EPHB1: variants seen among roughly 807,000 people sequenced by gnomAD.
The protein encoded by EPHB1 is ephrin type-B receptor 1.
Under a neutral mutation model 94.4 loss-of-function variants are expected in EPHB1, and 30 were observed. The ratio of observed to expected loss-of-function variants is 0.32; its 90% confidence interval spans 0.24 to 0.43. The LOEUF (loss-of-function observed/expected upper bound fraction) is 0.43. Ranked by LOEUF, EPHB1 falls within the 20% of genes least tolerant of loss-of-function variation. EPHB1 has a pLI of 1.00. For synonymous variants in EPHB1, 522 were observed against 489.1 expected (o/e 1.07, Z -0.89); for missense variants, 1,055 against 1,308.3 (o/e 0.81, Z 2.99).
At chr3:134,825,800 A>G (rs959338817) in intron 1 of EPHB1, among the ~76,000 whole-genome samples, 45 of 152,092 alleles carry the variant, frequency 3.0e-4, no homozygotes, top group African/African-American at 1.0e-3. Flanking sequence ...TCCTTTCACG[A>G]TCCTTTTCTT....
chr3:134,981,205 C>T (rs1002244461), intron 3 of EPHB1, among the ~76,000 whole-genome samples: 1 of 152,176 alleles, frequency 6.6e-6, no homozygotes, highest in African/African-American at 2.4e-5. Flanking sequence ...GCACTCTGAC[C>T]ATGCTAGATT....
chr3:134,877,736 T>C (rs935088990), intron 1 of EPHB1, among the ~76,000 whole-genome samples: 53 of 152,188 alleles, frequency 3.5e-4, no homozygotes, highest in Non-Finnish European at 6.6e-4. Flanking sequence ...GTGTTTCTGC[T>C]ATAGAAAGCT....
At chr3:135,164,573 C>G (rs1180101886) in intron 7 of EPHB1, among the ~76,000 whole-genome samples, 1 of 152,072 alleles carries the variant, frequency 6.6e-6, no homozygotes, top group Non-Finnish European at 1.5e-5. Context: ...CTTTGGGAGG[C>G]CGAGACAGGT....
At chr3:134,919,608 G>A (rs1240637322) in intron 1 of EPHB1, among the ~76,000 whole-genome samples, 1 of 152,164 alleles carries the variant, frequency 6.6e-6, no homozygotes, top group East Asian at 1.9e-4. Flanking sequence ...AAGGGCAGTA[G>A]ACACCCTGAG....
chr3:134,914,109 G>T (rs778434228), intron 1 of EPHB1, among the ~76,000 whole-genome samples: 1 of 152,156 alleles, frequency 6.6e-6, no homozygotes, highest in Non-Finnish European at 1.5e-5. Flanking sequence ...CTGAAGGCTG[G>T]GTTTGGAGCC....
rs918362906 is a variant in EPHB1 at position 134,844,950 on chromosome 3, T to G, written c.58+49261T>G. Among the ~76,000 whole-genome samples the G allele has an allele frequency of 2.4e-4, 37 of 152,324 alleles. 1 individual carries two copies. In the Middle Eastern group the frequency reaches 0.014, roughly 56 times the overall value. ...GGAGAGCCTGAGTTTCCTCCCCTAC[T>G]TACCAAAGAGTTCCACCTGAATCCA... On this transcript the variant is annotated intron_variant, in intron 1 of 15. Transcript: ENST00000398015.
At chr3:135,020,721 G>T (rs1302719157) in intron 3 of EPHB1, among the ~76,000 whole-genome samples, 1 of 152,076 alleles carries the variant, frequency 6.6e-6, no homozygotes. Flanking sequence ...GTGTCCTCTA[G>T]TTAAATTTAC....
intron 9 of EPHB1, among the ~76,000 whole-genome samples, chr3:135,173,322 C>T (rs1023092211): frequency 6.6e-6 from 1 of 152,196 alleles, no homozygotes; most frequent in East Asian, 1.9e-4. Flanking sequence ...GCGTGAGCCA[C>T]CGCGCCCGGC....
At chr3:135,188,406 A>T (rs1942384933) in intron 10 of EPHB1, among the ~76,000 whole-genome samples, 1 of 152,098 alleles carries the variant, frequency 6.6e-6, no homozygotes, top group Non-Finnish European at 1.5e-5. Flanking sequence ...GAGGCAGGAG[A>T]ATTGCTTGAA....
chr3:134,841,858 G>A (rs762476445), intron 1 of EPHB1, among the ~76,000 whole-genome samples: 1 of 152,198 alleles, frequency 6.6e-6, no homozygotes, highest in Non-Finnish European at 1.5e-5. Flanking sequence ...TTATTCATAA[G>A]CGTTGTTTGC....
At chr3:135,196,114 T>G (rs1942607590) in intron 11 of EPHB1, among the ~76,000 whole-genome samples, 1 of 151,512 alleles carries the variant, frequency 6.6e-6, no homozygotes, top group Non-Finnish European at 1.5e-5. Context: ...CATGTGTTTT[T>G]TGGCTGCATA....
chr3:134,946,514 T>C (rs778099951), intron 2 of EPHB1, among the ~76,000 whole-genome samples: 42 of 152,210 alleles, frequency 2.8e-4, no homozygotes, highest in South Asian at 8.3e-4. Flanking sequence ...ATACTTCTCC[T>C]GGCTTACTTC....
intron 3 of EPHB1, among the ~76,000 whole-genome samples, chr3:135,095,718 C>T (rs1470819929): frequency 6.6e-6 from 1 of 152,168 alleles, no homozygotes; most frequent in Non-Finnish European, 1.5e-5. Context: ...GCACTCAGGG[C>T]CCCTGAAGGC....
intron 12 of EPHB1, among the ~76,000 whole-genome samples, chr3:135,207,782 T>G (rs1158332887): frequency 6.6e-6 from 1 of 152,210 alleles, no homozygotes; most frequent in Non-Finnish European, 1.5e-5. Flanking sequence ...GAGTCCAAGA[T>G]CAAGGTGCTA....
intron 11 of EPHB1, among the ~76,000 whole-genome samples, chr3:135,199,097 C>T: frequency 6.6e-6 from 1 of 152,230 alleles, no homozygotes; most frequent in Non-Finnish European, 1.5e-5. Flanking sequence ...GCACTTTCAA[C>T]ATTACTGTTC....
intron 4 of EPHB1, among the ~76,000 whole-genome samples, chr3:135,123,453 A>G (rs972142630): frequency 1.3e-5 from 2 of 152,192 alleles, no homozygotes; most frequent in African/African-American, 4.8e-5. Context: ...GGCAAGTAGA[A>G]ATCTGCTCCA....
chr3:134,890,662 T>G (rs2037961294), intron 1 of EPHB1, among the ~76,000 whole-genome samples: 1 of 152,222 alleles, frequency 6.6e-6, no homozygotes. Context: ...TTAGCTTGAC[T>G]ATTCCCTAAT....
chr3:135,106,052 T>A (rs918645094), intron 3 of EPHB1, among the ~76,000 whole-genome samples: 1 of 152,164 alleles, frequency 6.6e-6, no homozygotes, highest in African/African-American at 2.4e-5. Context: ...TAGGATGAGA[T>A]GTCTTTAGTG....
At chr3:134,825,126 C>A (rs1264945639) in intron 1 of EPHB1, among the ~76,000 whole-genome samples, 2 of 152,222 alleles carry the variant, frequency 1.3e-5, no homozygotes, top group African/African-American at 2.4e-5. Context: ...AAAACCCAGA[C>A]AGGTCCAGGG....
Sources: gnomAD v4.1 joint callset for allele counts (sites outside exome capture counted in the v4.1 genomes callset) on GRCh38, gnomAD v4.1.1 for gene constraint, MANE v1.5 for transcripts, NCBI Gene and HGNC (gene_info 2026-07-23, HGNC 2026-07-21) for gene names.